The following AP2A2 variants were observed in gnomAD, a reference collection of about 807,000 sequenced individuals.
AP2A2 encodes the protein AP-2 complex subunit alpha-2.
Under a neutral mutation model 104.2 loss-of-function variants are expected in AP2A2, and 32 were observed. The observed-to-expected ratio is 0.31, with a 90% CI of 0.23 to 0.41. The LOEUF is 0.41. Among genes scored for constraint, AP2A2 ranks in the 10% least tolerant of loss-of-function variants. The probability of loss-of-function intolerance (pLI) is 1.00; values close to 1 mark genes in which losing one functional copy is unlikely to be tolerated. For synonymous variants in AP2A2, 539 were observed against 533.3 expected (o/e 1.01, Z -0.15); for missense variants, 912 against 1,261.0 (o/e 0.72, Z 4.19).
In AP2A2 at chr11:993,057, A is replaced by G. The variant is rs1268390015; in HGVS notation, c.1453-227A>G. 6.6e-6 allele frequency among the ~76,000 whole-genome samples: 1 copy of G among 152,140 alleles called. No homozygotes were observed. The highest frequency in any genetic ancestry group is 1.5e-5 in the Non-Finnish European group (1 of 68,024). Reference sequence around the variant, plus strand: ...CCTCCCCAGCCAGAGCCTGTTGTGGATGCTGCAGCTCCCTCCAGGGCAGGT... The same window carrying G: ...CCTCCCCAGCCAGAGCCTGTTGTGGGTGCTGCAGCTCCCTCCAGGGCAGGT... On this transcript the variant is annotated intron_variant, in intron 11 of 21. Transcript: ENST00000448903. This position sits in a 1 kb window ranked among gnomAD's most constrained non-coding sequence, Gnocchi z 8.2.
At position 994,200 on chromosome 11, in the gene AP2A2, C is replaced by T. The variant is rs370327293; in HGVS notation, c.1911C>T (p.Asp637=). Residue 637 remains aspartate, a synonymous_variant, in exon 14 of 22, where the codon GAC becomes GAT. Coordinates refer to ENST00000448903, the MANE Select transcript of AP2A2 (RefSeq NM_012305.4). ...LEDTKRDRSV[D]VNGGPEPAPA... The stretch of plus-strand genomic sequence containing the variant: ...ACACCAAGCGGGACAGGAGTGTGGA[C>T]GTGAACGGGGGTCCTGAGCCTGCCC... 77 of 1,612,818 alleles carry T rather than the reference C, an allele frequency of 4.8e-5. No homozygotes were observed. Among genetic ancestry groups the T allele is most frequent in the South Asian group, 1.6e-4 (15 of 91,090 alleles).
intron 2 of AP2A2, among the ~76,000 whole-genome samples, chr11:969,602 C>A (rs1328492926): frequency 6.6e-6 from 1 of 152,148 alleles, no homozygotes; most frequent in Non-Finnish European, 1.5e-5. Context: ...TTTGAACCTG[C>A]CCTGCCATGA....
chr11:966,876 A>G (rs986683877), intron 2 of AP2A2, among the ~76,000 whole-genome samples: 1 of 152,028 alleles, frequency 6.6e-6, no homozygotes, highest in Non-Finnish European at 1.5e-5. Flanking sequence ...TTTTGTTATA[A>G]AAAAATACCA....
At chr11:1,000,206 G>GT (rs1855986147) in intron 14 of AP2A2, among the ~76,000 whole-genome samples, 1 of 152,294 alleles carries the variant, frequency 6.6e-6, no homozygotes, top group South Asian at 2.1e-4. Flanking sequence ...TATGACTGAT[G>GT]TTTTAAGTGC....
At chr11:969,220 C>CTTTTTTTT (rs1190722379) in intron 2 of AP2A2, among the ~76,000 whole-genome samples, 2 of 48,040 alleles carry the variant, frequency 4.2e-5, no homozygotes, top group Admixed American at 3.3e-4. Flanking sequence ...TAGAACAGCC[C>CTTTTTTTT]TTTTTTTTTT....
chr11:1,000,873 C>T (rs971581567), intron 15 of AP2A2, among the ~76,000 whole-genome samples: 1 of 152,208 alleles, frequency 6.6e-6, no homozygotes, highest in African/African-American at 2.4e-5. Flanking sequence ...TGTGTCCTGT[C>T]TGCACGGTGA....
chr11:956,697 C>T (rs1589964298), intron 1 of AP2A2: 1 of 152,164 alleles, frequency 6.6e-6, no homozygotes, highest in South Asian at 2.1e-4. Flanking sequence ...GTTTGTTGAG[C>T]GAGGTCCCTT....
chr11:951,649 C>A (rs1441150831), intron 1 of AP2A2, among the ~76,000 whole-genome samples: 2 of 152,216 alleles, frequency 1.3e-5, no homozygotes, highest in Non-Finnish European at 2.9e-5. Flanking sequence ...TGATGGCACA[C>A]CCATTTGAAG....
At chr11:989,814 G>A (rs1033064375) in intron 10 of AP2A2, among the ~76,000 whole-genome samples, 2 of 152,350 alleles carry the variant, frequency 1.3e-5, no homozygotes, top group African/African-American at 2.4e-5. Flanking sequence ...GGGGAGGCCC[G>A]GTGTCCTCGC....
chr11:998,071 C>T (rs1305218296), intron 14 of AP2A2, among the ~76,000 whole-genome samples: 1 of 152,264 alleles, frequency 6.6e-6, no homozygotes, highest in Non-Finnish European at 1.5e-5. Flanking sequence ...ACAGCTTTGT[C>T]AGGCTGTGGA....
chr11:1,000,048 C>T (rs570942298), intron 14 of AP2A2, among the ~76,000 whole-genome samples: 71 of 151,484 alleles, frequency 4.7e-4, no homozygotes, highest in Middle Eastern at 3.4e-3. Context: ...CCTCGTGATC[C>T]GCCCACCTCG....
At chr11:969,220 C>CTTTTTTTTTTTTTTT in intron 2 of AP2A2, among the ~76,000 whole-genome samples, 1 of 48,040 alleles carries the variant, frequency 2.1e-5, no homozygotes, top group Non-Finnish European at 4.3e-5. Context: ...TAGAACAGCC[C>CTTTTTTTTTTTTTTT]TTTTTTTTTT....
At chr11:991,595 A>G (rs1345483713) in intron 10 of AP2A2, among the ~76,000 whole-genome samples, 2 of 151,944 alleles carry the variant, frequency 1.3e-5, no homozygotes, top group Non-Finnish European at 2.9e-5. Context: ...CCTGGTGCAC[A>G]GCCGTGAGCT....
At chr11:975,224 G>A (rs961841972) in intron 4 of AP2A2, among the ~76,000 whole-genome samples, 3 of 152,176 alleles carry the variant, frequency 2.0e-5, no homozygotes, top group East Asian at 1.9e-4. Flanking sequence ...TGGGGTCCTC[G>A]GTCTCCCTCG....
At chr11:1,004,076 A>G (rs1856117802) in intron 16 of AP2A2, among the ~76,000 whole-genome samples, 1 of 152,166 alleles carries the variant, frequency 6.6e-6, no homozygotes, top group South Asian at 2.1e-4. Context: ...GGGAAAATAC[A>G]GGAATGCTCA....
At position 1,010,582 on chromosome 11, in the gene AP2A2, C is replaced by G. The variant is rs758999764; in HGVS notation, c.2777C>G (p.Ala926Gly). The G allele has an allele frequency of 1.3e-5, 21 of 1,599,110 alleles. No individual in the cohort carries two copies. The highest frequency in any genetic ancestry group is 1.7e-5 in the Admixed American group (1 of 58,144). The change falls in exon 22 of 22, where the codon GCC (alanine) becomes GGC (glycine). Residue 926 changes from alanine (A) to glycine (G), a missense_variant. Ala to Gly is a moderately conservative substitution (Grantham distance 60, BLOSUM62 0). This residue lies in a region of AP2A2 where 239 missense variants were observed against 329.8 expected (regional missense o/e 0.72). Coordinates refer to ENST00000448903, the MANE Select transcript of AP2A2 (RefSeq NM_012305.4). ...YRLTLRTSKE[A>G]VSQRLCELLS... ...CTCACGCTGCGCACAAGTAAGGAAG[C>G]CGTTTCTCAGAGATTATGTGAATTG...
intron 1 of AP2A2, chr11:957,112 A>G (rs1854262439): frequency 6.6e-6 from 1 of 152,176 alleles, no homozygotes; most frequent in Non-Finnish European, 1.5e-5. Context: ...CCCTCTTTGG[A>G]TTCAATTAGT....
chr11:952,585 G>A (rs1175912322), intron 1 of AP2A2, among the ~76,000 whole-genome samples: 1 of 152,166 alleles, frequency 6.6e-6, no homozygotes, highest in African/African-American at 2.4e-5. Context: ...AGTACCCTTA[G>A]TGCTGATGGG....
chr11:962,960 G>C (rs1589970845), intron 2 of AP2A2, among the ~76,000 whole-genome samples: 1 of 152,104 alleles, frequency 6.6e-6, no homozygotes, highest in African/African-American at 2.4e-5. Flanking sequence ...TGCCAGCTGT[G>C]GGTAGATGAG....
Sources: allele counts gnomAD v4.1 joint callset (sites outside exome capture counted in the v4.1 genomes callset), GRCh38; gene constraint gnomAD v4.1.1; regional missense constraint gnomAD v4.1.1; non-coding constraint Gnocchi (gnomAD v3.1); transcripts MANE v1.5; gene names NCBI Gene and HGNC (gene_info 2026-07-23, HGNC 2026-07-21).